The following NLRP2 variants were observed in gnomAD, a reference collection of about 807,000 sequenced individuals.
The protein encoded by NLRP2 is NACHT, LRR and PYD domains-containing protein 2.
A neutral mutation model predicts 97.2 loss-of-function variants in NLRP2; 107 were observed. The ratio of observed to expected loss-of-function variants is 1.10; its 90% CI spans 0.94 to 1.29. The LOEUF (loss-of-function observed/expected upper bound fraction) is 1.29, where lower values mean the gene tolerates loss of function less well. Ranked by LOEUF, NLRP2 falls within the 50% of genes most tolerant of loss-of-function variation. The pLI, the probability that NLRP2 is intolerant of heterozygous loss-of-function variation, is 0.00. For missense variants in NLRP2, 1,495 were observed against 1,330.3 expected (o/e 1.12, Z -1.93); for synonymous variants, 663 against 551.5 (o/e 1.20, Z -2.83).
intron 11 of NLRP2, among the ~76,000 whole-genome samples, chr19:54,996,166 T>TA (rs1254745078): frequency 6.6e-6 from 1 of 151,848 alleles, no homozygotes; most frequent in Non-Finnish European, 1.5e-5. Context: ...AAGATGGCGT[T>TA]ACCACACTCC....
chr19:54,988,411 A>T (rs890080501), intron 8 of NLRP2, among the ~76,000 whole-genome samples: 1 of 151,274 alleles, frequency 6.6e-6, no homozygotes, highest in Admixed American at 6.6e-5. Flanking sequence ...TTCTCCGTCA[A>T]CCTCCCAAGT....
At chr19:54,999,583 A>C (rs1025892146) in intron 12 of NLRP2, among the ~76,000 whole-genome samples, 5 of 152,182 alleles carry the variant, frequency 3.3e-5, no homozygotes, top group African/African-American at 1.2e-4. Context: ...TATGATAATC[A>C]ACAAGCATCT....
chr19:54,990,294 T>G, intron 9 of NLRP2, 102 bp downstream of exon 9: 6 of 1,255,776 alleles, frequency 4.8e-6, no homozygotes, highest in Non-Finnish European at 5.8e-6. Flanking sequence ...CTCGCTGATG[T>G]GAACACCTGT....
At chr19:54,974,121 C>G in intron 2 of NLRP2, 1 of 698,820 alleles carries the variant, frequency 1.4e-6, no homozygotes, top group Non-Finnish European at 2.5e-6. Context: ...TTTGGGAGGC[C>G]GAGGTGGGCG....
rs1568492856 is a variant in NLRP2 at position 54,982,320 on chromosome 19, A to C, written c.622A>C (p.Thr208Pro). ...PRVLPGPFSY[T>P]VVLYGPAGLG... ...GGTGCTTCCCGGGCCCTTCTCATAC[A>C]CGGTGGTGCTGTATGGTCCTGCAGG... Residue 208 changes from threonine to proline, a missense_variant, in exon 6 of 13, where the codon ACG becomes CCG. By Grantham distance (38) the Thr-to-Pro change is conservative (BLOSUM62 -1). Coordinates refer to ENST00000448584, the MANE Select transcript of NLRP2 (RefSeq NM_017852.5). 7 of 1,614,086 alleles carry C rather than the reference A, an allele frequency of 4.3e-6. No individual in the cohort carries two copies. Among genetic ancestry groups the C allele is most frequent in the Non-Finnish European group, 5.1e-6 (6 of 1,180,008 alleles).
At chr19:54,987,857 A>G (rs947209027) in intron 8 of NLRP2, among the ~76,000 whole-genome samples, 1 of 151,954 alleles carries the variant, frequency 6.6e-6, no homozygotes, top group Non-Finnish European at 1.5e-5. Flanking sequence ...CCTGGCCAAC[A>G]TGGTGAAACC....
chr19:54,970,602 G>T (rs930295871), intron 2 of NLRP2, among the ~76,000 whole-genome samples: 1 of 151,800 alleles, frequency 6.6e-6, no homozygotes, highest in African/African-American at 2.4e-5. Context: ...GTTGCTATGA[G>T]CCGAGATCAC....
In NLRP2 at chr19:54,984,329, G is replaced by GTGTGTTTTTTTTTTTTTTTTTTTTTTTT; in HGVS notation, c.2030+602_2030+603insGTGTTTTTTTTTTTTTTTTTTTTTTTTT. 5.8e-4 allele frequency among the ~76,000 whole-genome samples: 46 copies of GTGTGTTTTTTTTTTTTTTTTTTTTTTTT among 79,670 alleles called. 3 individuals carry two copies. The highest frequency in any genetic ancestry group is 9.0e-4 in the Non-Finnish European group (36 of 39,960). 52.3% of individuals were successfully genotyped at this position (79,670 alleles called of 152,430 possible). ...AACTTAAGTGGGGGTTTTTTTTTGT[G>GTGTGTTTTTTTTTTTTTTTTTTTTTTTT]TTTTTTTTTTTTTTTTTTTTTTTGG... On this transcript the variant is annotated intron_variant, in intron 6 of 12. Transcript: ENST00000448584.
chr19:54,990,204 C>T lies in NLRP2; in HGVS notation c.2537+12C>T. ...CTGCAGAGGTTGTCGTAAGTCTCTC[C>T]TCTCTTACAGAGCAGCTGTGCTTTC... On this transcript the variant is annotated intron_variant, in intron 9 of 12. Transcript: ENST00000448584. The T allele has an allele frequency of 6.2e-7, 1 of 1,613,830 alleles. No individual in the cohort carries two copies. Among genetic ancestry groups the T allele is most frequent in the Non-Finnish European group, 8.5e-7 (1 of 1,179,764 alleles).
chr19:54,981,412 CCCA>C (rs1459840315), intron 4 of NLRP2, among the ~76,000 whole-genome samples: 1 of 151,900 alleles, frequency 6.6e-6, no homozygotes. Context: ...AGTGATCCAC[CCCA>C]CCTCAGCCTC....
intron 2 of NLRP2, 93 bp downstream of exon 2, chr19:54,970,388 C>T (rs199475707): frequency 2.0e-4 from 296 of 1,470,912 alleles, no homozygotes; most frequent in Middle Eastern, 3.5e-4. Flanking sequence ...CGCTGGCTCA[C>T]GCCTGTCGTC....
chr19:54,983,562 AT>A lies in NLRP2; in HGVS notation c.1865del (p.Met622ArgfsTer11). ...SQEEELVKEV[M>X]AQFKEISLHL... ...GGAGGAGGAGCTGGTGAAGGAGGTG[AT>A]GGCTCAGTTCAAAGAAATATCCCTG... On this transcript the variant is annotated frameshift_variant, in exon 6 of 13. Transcript: ENST00000448584. LOFTEE classifies it high-confidence loss of function. 6.2e-7 allele frequency: 1 copy of A among 1,614,142 alleles called. No individual in the cohort carries two copies. The highest frequency in any genetic ancestry group is 8.5e-7 in the Non-Finnish European group (1 of 1,180,016).
intron 11 of NLRP2, among the ~76,000 whole-genome samples, chr19:54,995,996 C>A (rs1437380427): frequency 1.4e-5 from 2 of 145,590 alleles, no homozygotes; most frequent in Non-Finnish European, 3.0e-5. Context: ...ATTGAGATCA[C>A]GTCACCTCAC....
rs528893319 is a variant in NLRP2 at position 54,993,979 on chromosome 19, TATG to T, written c.2709-288_2709-286del. On this transcript the variant is annotated intron_variant, in intron 10 of 12. Transcript: ENST00000448584. ...CTGGCTTTGACTCTCAGCTCCCTCT[TATG>T]AGGATCCCTGTGATTGCTGGACCTA... 882 of 513,434 alleles carry T rather than the reference TATG, an allele frequency of 1.7e-3. 2 individuals are homozygous for T. Among genetic ancestry groups the T allele is most frequent in the Non-Finnish European group, 2.4e-3 (685 of 283,708 alleles). The allele number at this position is 513,434 out of a possible 1,614,324, so 31.8% of individuals were successfully genotyped here.
intron 11 of NLRP2, 73 bp from the exon 12 acceptor site, chr19:54,997,244 G>A (rs1328038520): frequency 6.7e-7 from 1 of 1,485,242 alleles, no homozygotes; most frequent in Non-Finnish European, 9.4e-7. Flanking sequence ...AACACACGAG[G>A]GTGGGCTTGG....
chr19:54,989,003 G>GCT (rs2072281011), intron 8 of NLRP2, among the ~76,000 whole-genome samples: 1 of 152,004 alleles, frequency 6.6e-6, no homozygotes, highest in African/African-American at 2.4e-5. Flanking sequence ...TGTCGCCCAG[G>GCT]CTAGAGTGCA....
rs74751607 is a variant in NLRP2, at chr19:54,985,031, C to G, written c.2031-16C>G. ...GGACACACATTTGGTGTAACCCTTT[C>G]TTCTCTTCCCTATAGATCCCAGGAT... On this transcript the variant is annotated splice_polypyrimidine_tract_variant and intron_variant, in intron 6 of 12. Coordinates refer to ENST00000448584, the MANE Select transcript of NLRP2 (RefSeq NM_017852.5). The G allele has an allele frequency of 1.7e-5, 27 of 1,613,720 alleles. No individual in the cohort carries two copies. The highest frequency in any genetic ancestry group is 2.3e-5 in the Non-Finnish European group (27 of 1,179,888).
At chr19:54,981,232 C>A (rs1054189976) in intron 4 of NLRP2, among the ~76,000 whole-genome samples, 4 of 151,932 alleles carry the variant, frequency 2.6e-5, no homozygotes, top group Non-Finnish European at 5.9e-5. Flanking sequence ...TGCAGTAGTG[C>A]GATCTCTTAC....
chr19:54,982,980 C>T lies in NLRP2; in HGVS notation c.1282C>T (p.Leu428=). 1 of 1,611,186 alleles carries T rather than the reference C, an allele frequency of 6.2e-7. No individual in the cohort carries two copies. Among genetic ancestry groups the T allele is most frequent in the Non-Finnish European group, 8.5e-7 (1 of 1,179,580 alleles). The part of the protein sequence containing the change: ...PVPTCLTRTG[L]FLRFLCSRFP... Reference sequence around the variant, plus strand: ...CCCCACCTGCCTCACCCGCACGGGGCTGTTCCTGCGTTTCCTCTGCAGCCG... The same window carrying T: ...CCCCACCTGCCTCACCCGCACGGGGTTGTTCCTGCGTTTCCTCTGCAGCCG... Residue 428 remains leucine, a synonymous_variant, in exon 6 of 13, where the codon CTG becomes TTG. Transcript: ENST00000448584.
Sources: gnomAD v4.1 joint callset for allele counts (sites outside exome capture counted in the v4.1 genomes callset) on GRCh38, gnomAD v4.1.1 for gene constraint, MANE v1.5 for transcripts, NCBI Gene and HGNC (gene_info 2026-07-23, HGNC 2026-07-21) for gene names.